Variants in CFAP54 observed in about 807,000 individuals in gnomAD.
The protein encoded by CFAP54 is cilia- and flagella-associated protein 54.
In CFAP54, 290 loss-of-function variants were observed where a neutral mutation model predicts 370.4. The observed-to-expected ratio is 0.78, with a 90% CI of 0.71 to 0.86. CFAP54 has a LOEUF of 0.86. Ranked by LOEUF, CFAP54 falls within the 40% of genes least tolerant of loss-of-function variation. CFAP54 has a pLI of 0.00. For synonymous variants in CFAP54, 1,206 were observed against 1,236.5 expected, an observed-to-expected ratio of 0.98 and a Z score of 0.52; for missense variants, 3,399 against 3,528.7, an observed-to-expected ratio of 0.96 and a Z score of 0.93.
At chr12:96,612,794 AG>A (rs1956373596) in intron 26 of CFAP54, among the ~76,000 whole-genome samples, 2 of 152,244 alleles carry the variant, frequency 1.3e-5, no homozygotes, top group African/African-American at 4.8e-5. Flanking sequence ...ATAATGGTAA[AG>A]GGATCAATTA....
chr12:96,670,170 T>G (rs1244081361), intron 39 of CFAP54, among the ~76,000 whole-genome samples: 1 of 152,198 alleles, frequency 6.6e-6, no homozygotes, highest in African/African-American at 2.4e-5. Flanking sequence ...CAGAGAGGCA[T>G]GTGGTGAACC....
chr12:96,682,369 T>A lies in CFAP54; in HGVS notation c.5717-2279T>A, dbSNP rs375837801. 8.3e-5 allele frequency: 80 copies of A among 968,066 alleles called. No homozygotes were observed. In the East Asian group the frequency reaches 8.1e-3, roughly 99 times the overall value. 60.0% of individuals were successfully genotyped at this position (968,066 alleles called of 1,614,324 possible). A position where few individuals can be genotyped will look rare whatever the true frequency, so the allele number is the denominator to read the frequency against. ...TTAGCCATTATGTACTCATTTTCTTTAAATTTTTTTTTTTTTGAGACGAGG... is the reference window on the plus strand; with the variant it reads ...TTAGCCATTATGTACTCATTTTCTTAAAATTTTTTTTTTTTTGAGACGAGG... On this transcript the variant is annotated intron_variant, in intron 40 of 67. Transcript: ENST00000524981.
chr12:96,621,239 G>A lies in CFAP54; in HGVS notation c.3640-351G>A, dbSNP rs543078621. ...CAAGATAAGAAGTGGTGGTGATGTG[G>A]CCTTTACAAATGACTTTTTAAATAT... On this transcript the variant is annotated intron_variant, in intron 26 of 67. Coordinates refer to ENST00000524981, the MANE Select transcript of CFAP54 (RefSeq NM_001306084.2). 3.9e-5 allele frequency among the ~76,000 whole-genome samples: 6 copies of A among 152,288 alleles called. No homozygotes were observed. In the East Asian group the frequency reaches 1.2e-3, roughly 29 times the overall value.
intron 66 of CFAP54, among the ~76,000 whole-genome samples, chr12:96,852,014 G>A (rs945830334): frequency 2.6e-5 from 4 of 152,052 alleles, no homozygotes; most frequent in Non-Finnish European, 5.9e-5. Flanking sequence ...ATTTAGCAAA[G>A]TTGCTGTCTG....
intron 36 of CFAP54, among the ~76,000 whole-genome samples, chr12:96,655,357 T>A (rs1956910205): frequency 6.6e-6 from 1 of 151,982 alleles, no homozygotes; most frequent in Non-Finnish European, 1.5e-5. Context: ...TGAACTATAT[T>A]TGAGGATGAC....
intron 30 of CFAP54, among the ~76,000 whole-genome samples, chr12:96,628,928 CAA>C (rs11308912): frequency 1.6e-3 from 232 of 147,138 alleles, no homozygotes; most frequent in African/African-American, 3.9e-3. Context: ...AATATAAATT[CAA>C]AAAAAAAAAA....
intron 22 of CFAP54, among the ~76,000 whole-genome samples, chr12:96,584,087 G>T (rs1476180254): frequency 6.6e-6 from 1 of 152,006 alleles, no homozygotes; most frequent in Non-Finnish European, 1.5e-5. Flanking sequence ...CTTTGTATGT[G>T]AATTCATTAA....
chr12:96,824,430 T>C (rs1959064554), intron 65 of CFAP54, among the ~76,000 whole-genome samples: 1 of 152,210 alleles, frequency 6.6e-6, no homozygotes, highest in Non-Finnish European at 1.5e-5. Context: ...ATAGACAGTG[T>C]CATTTTGTTT....
At chr12:96,700,127 T>G in intron 46 of CFAP54, 34 bp downstream of exon 46, 1 of 1,581,274 alleles carries the variant, frequency 6.3e-7, no homozygotes, top group South Asian at 1.2e-5. Context: ...GCAATTTCTT[T>G]ACCTATGAGG....
intron 67 of CFAP54, among the ~76,000 whole-genome samples, chr12:96,868,002 G>A (rs1960049089): frequency 6.6e-6 from 1 of 151,996 alleles, no homozygotes; most frequent in African/African-American, 2.4e-5. Context: ...AGAATAACAT[G>A]TTTGTACATG....
intron 36 of CFAP54, among the ~76,000 whole-genome samples, chr12:96,652,713 T>C (rs1367136192): frequency 6.6e-6 from 1 of 151,942 alleles, no homozygotes; most frequent in Non-Finnish European, 1.5e-5. Flanking sequence ...TCTGACTGGA[T>C]AAAAAAGCAA....
chr12:96,678,071 A>T (rs140535147), intron 39 of CFAP54, among the ~76,000 whole-genome samples: 2 of 152,174 alleles, frequency 1.3e-5, no homozygotes, highest in East Asian at 1.9e-4. Flanking sequence ...AAGGCACTGG[A>T]CTTGAACACC....
chr12:96,606,326 A>G (rs978200766), intron 26 of CFAP54, among the ~76,000 whole-genome samples: 3 of 152,180 alleles, frequency 2.0e-5, no homozygotes, highest in Non-Finnish European at 4.4e-5. Context: ...AGCAGGGCAG[A>G]CCATTCATGT....
At chr12:96,584,666 A>AG (rs1956059694) in intron 22 of CFAP54, among the ~76,000 whole-genome samples, 2 of 151,474 alleles carry the variant, frequency 1.3e-5, no homozygotes, top group Admixed American at 1.3e-4. Context: ...TCTCATTACA[A>AG]TGACAGTAAT....
chr12:96,715,030 A>G (rs1439275554), intron 48 of CFAP54, among the ~76,000 whole-genome samples: 3 of 152,134 alleles, frequency 2.0e-5, no homozygotes, highest in East Asian at 1.9e-4. Flanking sequence ...GGATGGAGAG[A>G]TGTATTGTGG....
At chr12:96,757,830 T>C (rs1958280992) in intron 58 of CFAP54, among the ~76,000 whole-genome samples, 1 of 152,176 alleles carries the variant, frequency 6.6e-6, no homozygotes, top group African/African-American at 2.4e-5. Flanking sequence ...ATCCATAAAA[T>C]GTAACTGTAC....
intron 19 of CFAP54, among the ~76,000 whole-genome samples, chr12:96,572,176 G>A (rs919788491): frequency 6.6e-6 from 1 of 152,162 alleles, no homozygotes; most frequent in Admixed American, 6.6e-5. Flanking sequence ...ACAAAGCACT[G>A]TCCTTCCTGC....
At chr12:96,691,906 A>C (rs1338112355) in intron 44 of CFAP54, among the ~76,000 whole-genome samples, 1 of 151,996 alleles carries the variant, frequency 6.6e-6, no homozygotes, top group African/African-American at 2.4e-5. Flanking sequence ...GTTCTATTAG[A>C]ATTGTTGGCC....
At chr12:96,568,062 C>T (rs1398447737) in intron 19 of CFAP54, among the ~76,000 whole-genome samples, 32 of 151,856 alleles carry the variant, frequency 2.1e-4, no homozygotes, top group Admixed American at 2.1e-3. Flanking sequence ...TCCTAAATAC[C>T]AGTCTATTAA....
Sources: gnomAD v4.1 joint callset for allele counts (sites outside exome capture counted in the v4.1 genomes callset) on GRCh38, gnomAD v4.1.1 for gene constraint, MANE v1.5 for transcripts, NCBI Gene and HGNC (gene_info 2026-07-23, HGNC 2026-07-21) for gene names.